Variants in SEMA6B observed in about 807,000 individuals in gnomAD.
SEMA6B encodes semaphorin 6B.
In SEMA6B, 47 loss-of-function variants were observed where a neutral mutation model predicts 78.6. The observed-to-expected ratio is 0.60, with a 90% CI of 0.47 to 0.76. SEMA6B has a LOEUF of 0.76. SEMA6B is among the 30% of genes least tolerant of loss of function. The probability of loss-of-function intolerance (pLI) is 0.00; values close to 1 mark genes in which losing one functional copy is unlikely to be tolerated. For synonymous variants in SEMA6B, 632 were observed against 592.2 expected (o/e 1.07, Z -0.98); for missense variants, 1,213 against 1,269.9 (o/e 0.96, Z 0.68).
At position 4,554,423 on chromosome 19, in the gene SEMA6B, G is replaced by C. The variant is rs774030002; in HGVS notation, c.736C>G (p.Arg246Gly). The C allele has an allele frequency of 6.2e-7, 1 of 1,613,912 alleles. No individual in the cohort carries two copies. Residue 246 changes from arginine to glycine, a missense_variant, in exon 9 of 17, where the codon CGG (arginine) becomes GGG (glycine). Transcript: ENST00000586582. ...EWGSHVYFFF[R>G]EIAMEFNYLE... Reference sequence around the variant, plus strand: ...TAGTTAAACTCCATCGCAATCTCCCGGAAGAAGAAGTAGACATGGCTGCCC... The same window carrying C: ...TAGTTAAACTCCATCGCAATCTCCCCGAAGAAGAAGTAGACATGGCTGCCC...
chr19:4,558,288 G>T lies in SEMA6B; in HGVS notation c.121+49C>A. 1 of 1,312,596 alleles carries T rather than the reference G, an allele frequency of 7.6e-7. No homozygotes were observed. Among genetic ancestry groups the T allele is most frequent in the Non-Finnish European group, 9.8e-7 (1 of 1,020,822 alleles). The allele number at this position is 1,312,596 out of a possible 1,614,324, so 81.3% of individuals were successfully genotyped here. On this transcript the variant is annotated intron_variant, in intron 2 of 16. Coordinates refer to ENST00000586582, the MANE Select transcript of SEMA6B (RefSeq NM_032108.4). The surrounding 1 kb of genome is among the most constrained non-coding windows in gnomAD (Gnocchi z 5.1). Reference sequence around the variant, plus strand: ...GGCAGCAGACCCAACTGGGAACCCAGATACTCCCACGGGACTCCACCCCCG... The same window carrying T: ...GGCAGCAGACCCAACTGGGAACCCATATACTCCCACGGGACTCCACCCCCG...
chr19:4,549,804 G>A (rs185384500), intron 12 of SEMA6B, among the ~76,000 whole-genome samples: 4 of 152,006 alleles, frequency 2.6e-5, no homozygotes, highest in Admixed American at 2.6e-4. Flanking sequence ...GTAGAGACGA[G>A]GTTTCTCCAT....
intron 8 of SEMA6B, 119 bp downstream of exon 8, chr19:4,554,857 G>A (rs1015381831): frequency 3.2e-6 from 4 of 1,246,164 alleles, no homozygotes; most frequent in African/African-American, 1.5e-5. Flanking sequence ...AGATTCCAAA[G>A]ATGTGGTGGA....
chr19:4,543,964 C>T lies in SEMA6B; in HGVS notation c.2304G>A (p.Pro768=). ...CAGCATAGAGGCGGCCGTCGGGGGTCGGCTCCCCAGGCGCGGGGGGCTGCT... is the reference window on the plus strand; with the variant it reads ...CAGCATAGAGGCGGCCGTCGGGGGTTGGCTCCCCAGGCGCGGGGGGCTGCT... ...APEQPPAPGE[P]TPDGRLYAAR... Residue 768 remains proline (P), a synonymous_variant, in exon 17 of 17, where the codon CCG becomes CCA. Transcript: ENST00000586582. The T allele has an allele frequency of 8.3e-7, 1 of 1,202,498 alleles. No homozygotes were observed. The highest frequency in any genetic ancestry group is 1.0e-6 in the Non-Finnish European group (1 of 969,366). The allele number at this position is 1,202,498 out of a possible 1,614,324, so 74.5% of individuals were successfully genotyped here.
In SEMA6B at chr19:4,552,828, TG is replaced by T. The variant is rs1315743581; in HGVS notation, c.772-190del. ...CAGAAATTCCCGGTGGGAATGTCAATGATGATAATAGCAACAGTGACAACCA... is the reference window on the plus strand; with the variant it reads ...CAGAAATTCCCGGTGGGAATGTCAATATGATAATAGCAACAGTGACAACCA... On this transcript the variant is annotated intron_variant, in intron 9 of 16. Coordinates refer to ENST00000586582, the MANE Select transcript of SEMA6B (RefSeq NM_032108.4). This position sits in a 1 kb window ranked among gnomAD's most constrained non-coding sequence, Gnocchi z 7.4. Among the ~76,000 whole-genome samples the T allele has an allele frequency of 1.1e-4, 16 of 152,322 alleles. No individual in the cohort carries two copies. Among genetic ancestry groups the T allele is most frequent in the African/African-American group, 3.8e-4 (16 of 41,574 alleles).
chr19:4,558,286 C>G lies in SEMA6B; in HGVS notation c.121+51G>C. 7.6e-7 allele frequency: 1 copy of G among 1,311,476 alleles called. No homozygotes were observed. Among genetic ancestry groups the G allele is most frequent in the Non-Finnish European group, 9.8e-7 (1 of 1,020,246 alleles). The allele number at this position is 1,311,476 out of a possible 1,614,324, so 81.2% of individuals were successfully genotyped here. On this transcript the variant is annotated intron_variant, in intron 2 of 16. Transcript: ENST00000586582. This position sits in a 1 kb window ranked among gnomAD's most constrained non-coding sequence, Gnocchi z 5.1. ...GGGGCAGCAGACCCAACTGGGAACC[C>G]AGATACTCCCACGGGACTCCACCCC...
Position 4,558,511 on chromosome 19 carries a change from G to A in SEMA6B, c.-32-22C>T. 1.6e-6 allele frequency: 2 copies of A among 1,233,806 alleles called. No individual in the cohort carries two copies. The highest frequency in any genetic ancestry group is 2.0e-6 in the Non-Finnish European group (2 of 987,456). The allele number at this position is 1,233,806 out of a possible 1,614,324, so 76.4% of individuals were successfully genotyped here. A position where few individuals can be genotyped will look rare whatever the true frequency, so the allele number is the denominator to read the frequency against. On this transcript the variant is annotated intron_variant, in intron 1 of 16. Transcript: ENST00000586582. The surrounding 1 kb of genome is among the most constrained non-coding windows in gnomAD (Gnocchi z 5.1). The stretch of plus-strand genomic sequence containing the variant: ...ACGCCTGCGGGCAAGGGGCGGCGAG[G>A]TGAGCGGCCTGCAGTCCCGCTCGTG...
At chr19:4,549,968 T>C (rs1568254725) in intron 12 of SEMA6B, among the ~76,000 whole-genome samples, 155 bp downstream of exon 12, 2 of 152,120 alleles carry the variant, frequency 1.3e-5, no homozygotes, top group African/African-American at 4.8e-5. Context: ...TTTCCTAGTG[T>C]CTCTCCATCT....
At chr19:4,554,636 T>G (rs1977421600) in intron 8 of SEMA6B, among the ~76,000 whole-genome samples, 160 bp from the exon 9 acceptor site, 1 of 151,968 alleles carries the variant, frequency 6.6e-6, no homozygotes, top group Non-Finnish European at 1.5e-5. Flanking sequence ...GGAAGGGAGG[T>G]CAGAAGCCTA....
intron 14 of SEMA6B, among the ~76,000 whole-genome samples, chr19:4,547,282 A>G (rs116974600): frequency 0.043 from 6,513 of 152,198 alleles, 188 homozygotes; most frequent in Non-Finnish European, 0.061. Context: ...TCTTCTTAAT[A>G]GCAACTTCTG....
At chr19:4,551,658 C>T (rs1336880222) in intron 10 of SEMA6B, among the ~76,000 whole-genome samples, 2 of 151,572 alleles carry the variant, frequency 1.3e-5, no homozygotes, top group East Asian at 2.0e-4. Context: ...GGAGAAACCC[C>T]GTCTCTACTA....
At chr19:4,548,529 G>A (rs1267493485) in intron 12 of SEMA6B, 84 bp from the exon 13 acceptor site, 6 of 1,276,552 alleles carry the variant, frequency 4.7e-6, no homozygotes, top group African/African-American at 1.5e-5. Context: ...TTACACGGGT[G>A]CATACAGACA....
chr19:4,543,057 G>A lies in SEMA6B; in HGVS notation c.*544C>T. The A allele has an allele frequency of 1.2e-5, 8 of 651,504 alleles. No individual in the cohort carries two copies. The highest frequency in any genetic ancestry group is 2.2e-5 in the Admixed American group (1 of 44,684). The allele number at this position is 651,504 out of a possible 1,614,324, so 40.4% of individuals were successfully genotyped here. On this transcript the variant is annotated 3_prime_UTR_variant, in exon 17 of 17. Coordinates refer to ENST00000586582, the MANE Select transcript of SEMA6B (RefSeq NM_032108.4). The stretch of plus-strand genomic sequence containing the variant: ...CACGCGTGGCCCACTTGACACACAC[G>A]CCCACAGCAGCCTTCGCTGGCACGC...
In SEMA6B at chr19:4,553,440, ATGGGTGAG is replaced by A. The variant is rs1191161046; in HGVS notation, c.772-809_772-802del. On this transcript the variant is annotated intron_variant, in intron 9 of 16. Transcript: ENST00000586582. ...GTGAGTTGGATGGGTGGATGGTTGG[ATGGGTGAG>A]TGGATGGATGGATGGATGGATGGAT... 3.4e-5 allele frequency among the ~76,000 whole-genome samples: 4 copies of A among 117,558 alleles called. No individual in the cohort carries two copies. In the East Asian group the frequency reaches 1.2e-3, roughly 36 times the overall value. 77.1% of individuals were successfully genotyped at this position (117,558 alleles called of 152,430 possible). A position where few individuals can be genotyped will look rare whatever the true frequency, so the allele number is the denominator to read the frequency against.
chr19:4,544,692 G>C lies in SEMA6B; in HGVS notation c.1739-163C>G, dbSNP rs893969076. Among the ~76,000 whole-genome samples the C allele has an allele frequency of 6.6e-6, 1 of 152,050 alleles. No homozygotes were observed. The highest frequency in any genetic ancestry group is 1.5e-5 in the Non-Finnish European group (1 of 68,026). Reference sequence around the variant, plus strand: ...CCTTTGTGTGCCAGGCTGGAGTGCAGTGGGGCGATCTCGATTCACTGCAAC... The same window carrying C: ...CCTTTGTGTGCCAGGCTGGAGTGCACTGGGGCGATCTCGATTCACTGCAAC... On this transcript the variant is annotated intron_variant, in intron 16 of 16. Transcript: ENST00000586582. This position sits in a 1 kb window ranked among gnomAD's most constrained non-coding sequence, Gnocchi z 5.1.
In SEMA6B at chr19:4,558,058, C is replaced by T; in HGVS notation, c.213G>A (p.Leu71=). Residue 71 remains leucine (L), a synonymous_variant, in exon 3 of 17, where the codon CTG becomes CTA. Transcript: ENST00000586582. This position sits in a 1 kb window ranked among gnomAD's most constrained non-coding sequence, Gnocchi z 5.1. ...CAATGAACAGCGTCCTGTTGACCCG[C>T]AGGACTCGCTGGATGTTGAGGTCGT... ...GADDLNIQRV[L]RVNRTLFIGD... 1 of 1,516,808 alleles carries T rather than the reference C, an allele frequency of 6.6e-7. No homozygotes were observed. The highest frequency in any genetic ancestry group is 8.9e-7 in the Non-Finnish European group (1 of 1,123,164). The allele number at this position is 1,516,808 out of a possible 1,614,324, so 94.0% of individuals were successfully genotyped here.
Position 4,544,563 on chromosome 19 carries a change from G to A in SEMA6B, c.1739-34C>T, listed in dbSNP as rs932429745. On this transcript the variant is annotated intron_variant, in intron 16 of 16. Transcript: ENST00000586582. This position sits in a 1 kb window ranked among gnomAD's most constrained non-coding sequence, Gnocchi z 5.1. ...GGAGCACAGGGGGGTTAGTGGGGCC[G>A]GCGGGGTGGCCCTGGGCATCCCTCC... is the stretch of plus-strand genomic sequence containing the variant. 7.3e-7 allele frequency: 1 copy of A among 1,378,352 alleles called. No homozygotes were observed. The highest frequency in any genetic ancestry group is 9.5e-7 in the Non-Finnish European group (1 of 1,047,864). 85.4% of individuals were successfully genotyped at this position (1,378,352 alleles called of 1,614,324 possible).
At position 4,555,646 on chromosome 19, in the gene SEMA6B, G is replaced by A. The variant is rs867251457; in HGVS notation, c.472-82C>T. The A allele has an allele frequency of 4.8e-5, 55 of 1,134,240 alleles. No individual in the cohort carries two copies. Among genetic ancestry groups the A allele is most frequent in the Middle Eastern group, 5.5e-4 (2 of 3,616 alleles). The allele number at this position is 1,134,240 out of a possible 1,614,324, so 70.3% of individuals were successfully genotyped here. On this transcript the variant is annotated intron_variant, in intron 6 of 16. Coordinates refer to ENST00000586582, the MANE Select transcript of SEMA6B (RefSeq NM_032108.4). This position sits in a 1 kb window ranked among gnomAD's most constrained non-coding sequence, Gnocchi z 6.1. ...GGCTCCCTCAGCCCCCCACTCCAGG[G>A]GGAATCCTGATCCACCACGGATTAC...
In SEMA6B at chr19:4,552,464, C is replaced by G; in HGVS notation, c.947G>C (p.Gly316Ala). 6.2e-7 allele frequency: 1 copy of G among 1,606,520 alleles called. No homozygotes were observed. The highest frequency in any genetic ancestry group is 8.5e-7 in the Non-Finnish European group (1 of 1,177,198). Reference sequence around the variant, plus strand: ...AAAAACGGCCAGGACCACGGGCCGGCCCCCGAGGCTGACCACGCCCGTGAC... The same window carrying G: ...AAAAACGGCCAGGACCACGGGCCGGGCCCCGAGGCTGACCACGCCCGTGAC... Reference protein sequence around the residue: ...QAVTGVVSLGGRPVVLAVFST... With the variant: ...QAVTGVVSLGARPVVLAVFST... The change falls in exon 10 of 17, where the codon GGC becomes GCC. Residue 316 changes from glycine (G) to alanine (A), a missense_variant. By Grantham distance (60) the Gly-to-Ala change is moderately conservative. Transcript: ENST00000586582. This position sits in a 1 kb window ranked among gnomAD's most constrained non-coding sequence, Gnocchi z 7.4.
Sources: gnomAD v4.1 joint callset for allele counts (sites outside exome capture counted in the v4.1 genomes callset) on GRCh38, gnomAD v4.1.1 for gene constraint, Gnocchi (gnomAD v3.1) non-coding constraint, MANE v1.5 for transcripts, NCBI Gene and HGNC (gene_info 2026-07-23, HGNC 2026-07-21) for gene names.